The following HDAC9 variants were observed in gnomAD, a reference collection of about 807,000 sequenced individuals.
The protein encoded by HDAC9 is MEF-2 interacting transcription repressor (MITR) protein.
In HDAC9, 41 loss-of-function variants were observed where a neutral mutation model predicts 139.4. The observed-to-expected ratio is 0.29, with a 90% CI of 0.23 to 0.38. The LOEUF (loss-of-function observed/expected upper bound fraction) is 0.38. Among genes scored for constraint, HDAC9 ranks in the 10% least tolerant of loss-of-function variants. The pLI, the probability that HDAC9 is intolerant of heterozygous loss-of-function variation, is 1.00. For synonymous variants in HDAC9, 517 were observed against 476.2 expected (o/e 1.09, Z -1.12); for missense variants, 1,147 against 1,297.0 (o/e 0.88, Z 1.78).
chr7:18,812,027 T>C (rs1794214569), intron 17 of HDAC9, among the ~76,000 whole-genome samples: 1 of 151,942 alleles, frequency 6.6e-6, no homozygotes, highest in South Asian at 2.1e-4. Context: ...CTTTGTCATC[T>C]CTAGATTATT....
intron 19 of HDAC9, among the ~76,000 whole-genome samples, chr7:18,830,982 C>T (rs1475933127): frequency 6.6e-6 from 1 of 152,166 alleles, no homozygotes; most frequent in Non-Finnish European, 1.5e-5. Flanking sequence ...TAGTATGCTC[C>T]TCTTTCTGTA....
intron 1 of HDAC9, among the ~76,000 whole-genome samples, chr7:18,133,668 T>C (rs1785178644): frequency 6.6e-6 from 1 of 152,148 alleles, no homozygotes. Context: ...TTGTTGGTTG[T>C]TTTGCATTTA....
chr7:18,475,622 C>G (rs761820726), intron 1 of HDAC9, among the ~76,000 whole-genome samples: 17 of 152,112 alleles, frequency 1.1e-4, no homozygotes, highest in Admixed American at 1.1e-3. Context: ...GCCGCCCCAG[C>G]CCATGCAGCT....
chr7:18,869,362 T>C (rs757939750), intron 21 of HDAC9, among the ~76,000 whole-genome samples: 1 of 152,056 alleles, frequency 6.6e-6, no homozygotes, highest in Non-Finnish European at 1.5e-5. Flanking sequence ...GTTCTCATGA[T>C]AGAGTTCTCA....
At chr7:18,972,470 T>C (rs1784305600) in intron 24 of HDAC9, among the ~76,000 whole-genome samples, 1 of 142,502 alleles carries the variant, frequency 7.0e-6, no homozygotes, top group Non-Finnish European at 1.5e-5. Context: ...AAGTTGGGCC[T>C]CCCGGGTTCA....
intron 21 of HDAC9, among the ~76,000 whole-genome samples, chr7:18,864,062 T>TA (rs1798305710): frequency 6.6e-6 from 1 of 152,208 alleles, no homozygotes; most frequent in African/African-American, 2.4e-5. Context: ...TTTTACATAG[T>TA]AACTGCACCA....
intron 1 of HDAC9, among the ~76,000 whole-genome samples, chr7:18,133,520 G>A (rs1785161358): frequency 6.6e-6 from 1 of 152,162 alleles, no homozygotes; most frequent in African/African-American, 2.4e-5. Flanking sequence ...AGTGTGTGAT[G>A]TCTGTTTTTC....
intron 22 of HDAC9, among the ~76,000 whole-genome samples, chr7:18,927,957 C>T (rs1804382816): frequency 6.6e-6 from 1 of 152,116 alleles, no homozygotes. Context: ...GAATGGGAGA[C>T]TGGCATCAGC....
At chr7:18,605,036 A>G (rs557721982) in intron 6 of HDAC9, among the ~76,000 whole-genome samples, 69 of 152,246 alleles carry the variant, frequency 4.5e-4, no homozygotes, top group African/African-American at 1.6e-3. Flanking sequence ...GTGAGGTTTT[A>G]TGTTAATCTG....
chr7:18,684,616 A>T (rs1279001889), intron 12 of HDAC9, among the ~76,000 whole-genome samples: 8 of 152,162 alleles, frequency 5.3e-5, no homozygotes, highest in Non-Finnish European at 1.2e-4. Flanking sequence ...AGGTACCCAG[A>T]TTTAAAATGA....
intron 2 of HDAC9, among the ~76,000 whole-genome samples, chr7:18,554,598 G>A (rs1818222275): frequency 6.6e-6 from 1 of 152,170 alleles, no homozygotes; most frequent in Admixed American, 6.5e-5. Flanking sequence ...GCCTCCCAAA[G>A]TGCTGGGATT....
chr7:18,319,692 T>G (rs1799897362), intron 1 of HDAC9, among the ~76,000 whole-genome samples: 1 of 152,140 alleles, frequency 6.6e-6, no homozygotes, highest in Non-Finnish European at 1.5e-5. Context: ...GCACTTCTGT[T>G]GTGTTCCTCA....
At chr7:18,438,149 T>A (rs1021404732) in intron 1 of HDAC9, among the ~76,000 whole-genome samples, 2 of 151,526 alleles carry the variant, frequency 1.3e-5, no homozygotes, top group African/African-American at 4.8e-5. Flanking sequence ...TTCTCACAAA[T>A]CAAACTGAAT....
At chr7:18,483,972 GAGATGTT>G (rs1446050514) in intron 1 of HDAC9, among the ~76,000 whole-genome samples, 1 of 151,984 alleles carries the variant, frequency 6.6e-6, no homozygotes, top group Non-Finnish European at 1.5e-5. Context: ...ACACAGTTTT[GAGATGTT>G]ACAATAATTC....
Position 18,590,226 on chromosome 7 carries a change from T to C in HDAC9, c.265-110T>C, listed in dbSNP as rs1583774406. 8.0e-6 allele frequency: 9 copies of C among 1,126,442 alleles called. No homozygotes were observed. The East Asian group carries it at 2.0e-4, about 25-fold the overall frequency. The allele number at this position is 1,126,442 out of a possible 1,614,324, so 69.8% of individuals were successfully genotyped here. On this transcript the variant is annotated intron_variant, in intron 3 of 25. Coordinates refer to ENST00000686413, the MANE Select transcript of HDAC9 (RefSeq NM_178425.4). Reference sequence around the variant, plus strand: ...TTTACAGAAAAAGTGGGTACAAATATGAACTAAATACAAACAAGTTCCAAA... The same window carrying C: ...TTTACAGAAAAAGTGGGTACAAATACGAACTAAATACAAACAAGTTCCAAA...
At chr7:18,675,595 A>C (rs920021681) in intron 12 of HDAC9, among the ~76,000 whole-genome samples, 1 of 152,032 alleles carries the variant, frequency 6.6e-6, no homozygotes, top group African/African-American at 2.4e-5. Flanking sequence ...ACTCAATATC[A>C]ATCTTTAATA....
intron 1 of HDAC9, among the ~76,000 whole-genome samples, chr7:18,126,371 T>G (rs111461320): frequency 1.4e-3 from 216 of 152,248 alleles, no homozygotes; most frequent in African/African-American, 4.9e-3. Flanking sequence ...GAGCACGTGT[T>G]TTTTCTGAGT....
intron 6 of HDAC9, among the ~76,000 whole-genome samples, chr7:18,624,799 A>T (rs1169887147): frequency 6.6e-6 from 1 of 151,756 alleles, no homozygotes; most frequent in African/African-American, 2.4e-5. Context: ...AAATGTTAGG[A>T]GTGAGTTTTA....
chr7:18,795,776 G>A (rs577356537), intron 17 of HDAC9, among the ~76,000 whole-genome samples: 69 of 152,272 alleles, frequency 4.5e-4, no homozygotes, highest in African/African-American at 1.4e-3. Flanking sequence ...GAGGTAGACA[G>A]CCATGTTTGT....
Sources: allele counts gnomAD v4.1 joint callset (sites outside exome capture counted in the v4.1 genomes callset), GRCh38; gene constraint gnomAD v4.1.1; transcripts MANE v1.5; gene names NCBI Gene and HGNC (gene_info 2026-07-23, HGNC 2026-07-21).